The following PPP1R13B variants were observed in gnomAD, a reference collection of about 807,000 sequenced individuals.
PPP1R13B encodes the protein protein phosphatase 1 regulatory subunit 13B.
In PPP1R13B, 44 loss-of-function variants were observed where a neutral mutation model predicts 119.8. The ratio of observed to expected loss-of-function variants is 0.37; its 90% CI spans 0.29 to 0.47. The LOEUF is 0.47. Among genes scored for constraint, PPP1R13B ranks in the 20% least tolerant of loss-of-function variants. The pLI, the probability that PPP1R13B is intolerant of heterozygous loss-of-function variation, is 0.99. For synonymous variants in PPP1R13B, 542 were observed against 561.5 expected, an observed-to-expected ratio of 0.97 and a Z score of 0.49; for missense variants, 1,227 against 1,413.5, an observed-to-expected ratio of 0.87 and a Z score of 2.12.
At chr14:103,735,301 A>G (rs2084074278) in intron 16 of PPP1R13B, 106 bp from the exon 17 acceptor site, 3 of 1,065,104 alleles carry the variant, frequency 2.8e-6, no homozygotes, top group Admixed American at 3.5e-5. Flanking sequence ...ACAGCCGTGC[A>G]GCACCCTTGT....
At chr14:103,775,893 A>T (rs1439308946) in intron 4 of PPP1R13B, among the ~76,000 whole-genome samples, 2 of 152,128 alleles carry the variant, frequency 1.3e-5, no homozygotes, top group Non-Finnish European at 2.9e-5. Flanking sequence ...TCTTAACAAC[A>T]GGAATATTTC....
At chr14:103,752,813 G>A (rs1012603388) in intron 7 of PPP1R13B, among the ~76,000 whole-genome samples, 187 bp downstream of exon 7, 1 of 152,160 alleles carries the variant, frequency 6.6e-6, no homozygotes, top group African/African-American at 2.4e-5. Flanking sequence ...GATTATAGGC[G>A]TGAGCTACCG....
intron 1 of PPP1R13B, among the ~76,000 whole-genome samples, chr14:103,823,535 C>T (rs1158485572): frequency 6.6e-6 from 1 of 152,104 alleles, no homozygotes; most frequent in Non-Finnish European, 1.5e-5. Flanking sequence ...CCAGCCAAAA[C>T]TCATGGGCTC....
At chr14:103,818,749 A>C (rs555882370) in intron 1 of PPP1R13B, among the ~76,000 whole-genome samples, 3 of 152,218 alleles carry the variant, frequency 2.0e-5, no homozygotes, top group Non-Finnish European at 4.4e-5. Context: ...ATATTTATTG[A>C]GCACCTACTA....
At chr14:103,776,952 T>C (rs1330452938) in intron 4 of PPP1R13B, among the ~76,000 whole-genome samples, 1 of 152,066 alleles carries the variant, frequency 6.6e-6, no homozygotes, top group Non-Finnish European at 1.5e-5. Flanking sequence ...AAAGACCACA[T>C]TAAAAATGTC....
chr14:103,836,643 A>C (rs1360235094), intron 1 of PPP1R13B, among the ~76,000 whole-genome samples: 6 of 151,810 alleles, frequency 4.0e-5, no homozygotes, highest in Admixed American at 1.3e-4. Context: ...GGTGGCACGC[A>C]CCTGTAATCT....
chr14:103,746,569 A>C lies in PPP1R13B; in HGVS notation c.970-16T>G. The C allele has an allele frequency of 6.4e-7, 1 of 1,558,930 alleles. No individual in the cohort carries two copies. The highest frequency in any genetic ancestry group is 8.7e-7 in the Non-Finnish European group (1 of 1,145,012). ...CACGGTTCAGCTACAAATTGGGAAG[A>C]AATGAGAGTCAAGATTCTCCTACAT... On this transcript the variant is annotated splice_polypyrimidine_tract_variant and intron_variant, in intron 8 of 16. Transcript: ENST00000202556.
rs149220861 is a variant in PPP1R13B at position 103,735,631 on chromosome 14, G to A, written c.3231+372C>T. Among the ~76,000 whole-genome samples, 5 of 152,342 alleles carry A rather than the reference G, an allele frequency of 3.3e-5. 1 individual carries two copies. The highest frequency in any genetic ancestry group is 1.2e-4 in the African/African-American group (5 of 41,590). ...AAGTCCAACACAGAGCTAGCAGCCT[G>A]CACGTTCCCACCTCTCCCTCCACTG... On this transcript the variant is annotated intron_variant, in intron 16 of 16. Transcript: ENST00000202556.
chr14:103,771,403 G>A (rs982809068), intron 4 of PPP1R13B, among the ~76,000 whole-genome samples: 2 of 150,914 alleles, frequency 1.3e-5, no homozygotes, highest in African/African-American at 4.9e-5. Context: ...ATTAGTTGCT[G>A]AACATAAAAT....
intron 16 of PPP1R13B, 31 bp downstream of exon 16, chr14:103,735,972 T>C (rs1389114118): frequency 6.2e-7 from 1 of 1,611,954 alleles, no homozygotes; most frequent in Non-Finnish European, 8.5e-7. Context: ...CACGGGCAGC[T>C]AGTTTCCCAG....
chr14:103,824,966 C>T (rs544707741), intron 1 of PPP1R13B, among the ~76,000 whole-genome samples: 2 of 152,102 alleles, frequency 1.3e-5, no homozygotes, highest in Admixed American at 6.6e-5. Flanking sequence ...AACAAATTGA[C>T]GGGCTGTGGC....
intron 1 of PPP1R13B, among the ~76,000 whole-genome samples, chr14:103,825,680 G>A (rs1388823763): frequency 6.6e-6 from 1 of 152,148 alleles, no homozygotes; most frequent in East Asian, 1.9e-4. Flanking sequence ...AGCAGAGGTT[G>A]GTTCATGAGC....
At chr14:103,822,565 G>A (rs995954226) in intron 1 of PPP1R13B, among the ~76,000 whole-genome samples, 7 of 152,178 alleles carry the variant, frequency 4.6e-5, no homozygotes, top group Non-Finnish European at 8.8e-5. Context: ...TGTAATCCCA[G>A]CACTTTGGGA....
At chr14:103,752,816 A>G (rs2151980197) in intron 7 of PPP1R13B, among the ~76,000 whole-genome samples, 184 bp downstream of exon 7, 1 of 152,304 alleles carries the variant, frequency 6.6e-6, no homozygotes, top group South Asian at 2.1e-4. Context: ...TATAGGCGTG[A>G]GCTACCGCAC....
intron 1 of PPP1R13B, among the ~76,000 whole-genome samples, chr14:103,831,580 G>A: frequency 6.6e-6 from 1 of 150,752 alleles, no homozygotes. Context: ...CAAAGTGCTG[G>A]GATTATAGGC....
intron 1 of PPP1R13B, among the ~76,000 whole-genome samples, chr14:103,810,005 T>G (rs1360863862): frequency 6.6e-6 from 1 of 151,544 alleles, no homozygotes; most frequent in Non-Finnish European, 1.5e-5. Flanking sequence ...TTTTGTATTT[T>G]TAGTAGAGAC....
upstream of PPP1R13B, chr14:103,848,347 T>C (rs529192843): frequency 1.1e-5 from 11 of 985,380 alleles, no homozygotes; most frequent in Admixed American, 6.1e-5. Context: ...GGCCTGGGTC[T>C]CTCCCTGCAG....
intron 1 of PPP1R13B, among the ~76,000 whole-genome samples, chr14:103,828,218 A>G (rs1340631818): frequency 6.6e-6 from 1 of 152,006 alleles, no homozygotes; most frequent in Non-Finnish European, 1.5e-5. Flanking sequence ...AATACAAAAA[A>G]ATTAGCCAGA....
intron 4 of PPP1R13B, among the ~76,000 whole-genome samples, chr14:103,761,063 C>T (rs2084791843): frequency 6.6e-6 from 1 of 152,094 alleles, no homozygotes; most frequent in Non-Finnish European, 1.5e-5. Context: ...AATCCCAGTT[C>T]ATGAGTTTCA....
Sources: allele counts gnomAD v4.1 joint callset (sites outside exome capture counted in the v4.1 genomes callset), GRCh38; gene constraint gnomAD v4.1.1; transcripts MANE v1.5; gene names NCBI Gene and HGNC (gene_info 2026-07-23, HGNC 2026-07-21).